The following MYOM2 variants were observed in gnomAD, a reference collection of about 807,000 sequenced individuals.
MYOM2 encodes myomesin 2.
Under a neutral mutation model 187.6 loss-of-function variants are expected in MYOM2, and 254 were observed. The ratio of observed to expected loss-of-function variants is 1.35; its 90% CI spans 1.22 to 1.50. The LOEUF (loss-of-function observed/expected upper bound fraction) is 1.50. Ranked by LOEUF, MYOM2 falls within the 40% of genes most tolerant of loss-of-function variation. The pLI, the probability that MYOM2 is intolerant of heterozygous loss-of-function variation, is 0.00. For missense variants in MYOM2, 2,796 were observed against 1,924.0 expected, an observed-to-expected ratio of 1.45 and a Z score of -8.48; for synonymous variants, 981 against 753.8, an observed-to-expected ratio of 1.30 and a Z score of -4.94.
intron 14 of MYOM2, 80 bp from the exon 15 acceptor site, chr8:2,089,927 CA>C: frequency 7.2e-7 from 1 of 1,388,516 alleles, no homozygotes; most frequent in South Asian, 1.3e-5. Context: ...ATAGCGAGAA[CA>C]GAGCATTTCT....
intron 18 of MYOM2, chr8:2,098,198 A>G (rs1384572218): frequency 1.3e-5 from 2 of 152,210 alleles, no homozygotes; most frequent in Non-Finnish European, 2.9e-5. Flanking sequence ...CTTACTTCGG[A>G]AGCTATTTTT....
At chr8:2,100,081 C>CT (rs149139233) in intron 19 of MYOM2, among the ~76,000 whole-genome samples, 12 of 75,122 alleles carry the variant, frequency 1.6e-4, no homozygotes, top group East Asian at 5.0e-4. Context: ...TCCTTCCTTT[C>CT]TTCTTTCCTT....
rs1272653871 is a variant in MYOM2 at position 2,078,878 on chromosome 8, C to T, written c.1407C>T (p.Ser469=). Reference sequence around the variant, plus strand: ...ACAGTGCGGGCATCAGCCGACCCTCCAGGGTCTCTGATGCGGTGGCTGCAC... The same window carrying T: ...ACAGTGCGGGCATCAGCCGACCCTCTAGGGTCTCTGATGCGGTGGCTGCAC... ...AVNSAGISRP[S]RVSDAVAALD... is the part of the protein sequence containing the mutation. Residue 469 remains serine, a synonymous_variant, in exon 12 of 37, where the codon TCC becomes TCT. Transcript: ENST00000262113. 6.8e-6 allele frequency: 11 copies of T among 1,614,056 alleles called. No homozygotes were observed. The highest frequency in any genetic ancestry group is 7.6e-6 in the Non-Finnish European group (9 of 1,179,922).
intron 19 of MYOM2, 108 bp downstream of exon 19, chr8:2,099,091 C>G: frequency 7.3e-7 from 1 of 1,376,162 alleles, no homozygotes; most frequent in Non-Finnish European, 9.7e-7. Context: ...GTGTCTGTTC[C>G]TCCGACACCC....
chr8:2,116,690 G>A (rs1273620034), intron 27 of MYOM2, among the ~76,000 whole-genome samples: 1 of 152,136 alleles, frequency 6.6e-6, no homozygotes, highest in Non-Finnish European at 1.5e-5. Context: ...ACAAATACAT[G>A]TTAACTAGAT....
At chr8:2,100,526 A>T (rs1796670327) in intron 19 of MYOM2, 1 of 257,800 alleles carries the variant, frequency 3.9e-6, no homozygotes, top group Admixed American at 4.7e-5. Flanking sequence ...AGTGACTGTG[A>T]CTGCCAGGTG....
chr8:2,133,770 T>C (rs1237459434), intron 32 of MYOM2, among the ~76,000 whole-genome samples: 2 of 152,168 alleles, frequency 1.3e-5, no homozygotes, highest in African/African-American at 4.8e-5. Flanking sequence ...CTGTCAGTCA[T>C]TGATCTCAGA....
chr8:2,119,373 CAG>C (rs1247173914), intron 28 of MYOM2: 2 of 152,392 alleles, frequency 1.3e-5, no homozygotes, highest in African/African-American at 4.8e-5. Context: ...CAGAAACCCT[CAG>C]AGAGTTCAGA....
intron 32 of MYOM2, among the ~76,000 whole-genome samples, chr8:2,139,256 T>C (rs77623815): frequency 0.017 from 2,577 of 152,182 alleles, 55 homozygotes; most frequent in East Asian, 0.045. Context: ...GTCCTCCTGC[T>C]TCAGCCTCCT....
chr8:2,085,061 G>T, intron 13 of MYOM2: 2 of 605,042 alleles, frequency 3.3e-6, no homozygotes, highest in Non-Finnish European at 5.8e-6. Flanking sequence ...TATCTGTATT[G>T]GAAGCAAAAC....
At chr8:2,045,634 C>G (rs1295960144) in intron 1 of MYOM2, among the ~76,000 whole-genome samples, 1 of 152,218 alleles carries the variant, frequency 6.6e-6, no homozygotes, top group Non-Finnish European at 1.5e-5. Context: ...TAGACCTAGC[C>G]TATATTATCC....
At position 2,072,452 on chromosome 8, in the gene MYOM2, A is replaced by G. The variant is rs1197926877; in HGVS notation, c.901A>G (p.Met301Val). 2 of 1,614,110 alleles carry G rather than the reference A, an allele frequency of 1.2e-6. No homozygotes were observed. The highest frequency in any genetic ancestry group is 1.7e-6 in the Non-Finnish European group (2 of 1,180,028). ...CGAGACGGTCACTCTCAAGTGCACC[A>G]TGCTGGTGACGCCGGACCTGAAGCG... is the stretch of plus-strand genomic sequence containing the variant. ...EGETVTLKCT[M>V]LVTPDLKRVQ... Residue 301 changes from methionine (M) to valine (V), a missense_variant, in exon 9 of 37, where the codon ATG (methionine) becomes GTG (valine). Transcript: ENST00000262113.
intron 1 of MYOM2, among the ~76,000 whole-genome samples, chr8:2,046,755 T>TC (rs1024878603): frequency 2.1e-5 from 3 of 144,758 alleles, no homozygotes; most frequent in East Asian, 2.0e-4. Context: ...TTTTTTCTTT[T>TC]TTTTTTTTTT....
At chr8:2,114,794 A>ATT (rs60026319) in intron 25 of MYOM2, among the ~76,000 whole-genome samples, 1 of 151,730 alleles carries the variant, frequency 6.6e-6, no homozygotes, top group Admixed American at 6.6e-5. Flanking sequence ...TTTTCTTTTT[A>ATT]TTTTTTTGAG....
intron 11 of MYOM2, 139 bp downstream of exon 11, chr8:2,076,421 T>C: frequency 3.6e-6 from 4 of 1,115,338 alleles, no homozygotes; most frequent in Non-Finnish European, 3.7e-6. Flanking sequence ...TAATTGGTTG[T>C]ATAAGTTCCT....
intron 6 of MYOM2, among the ~76,000 whole-genome samples, chr8:2,068,198 T>C (rs983815370): frequency 6.6e-6 from 1 of 150,828 alleles, no homozygotes; most frequent in Non-Finnish European, 1.5e-5. Flanking sequence ...GAGAGCATCC[T>C]GGGGACAGCT....
At chr8:2,114,555 T>A (rs12676475) in intron 25 of MYOM2, among the ~76,000 whole-genome samples, 114,948 of 152,042 alleles carry the variant, frequency 0.76, 43,534 homozygotes, top group Admixed American at 0.81. Flanking sequence ...GTTCACTGCA[T>A]CCTCTGCCTC....
At chr8:2,128,323 A>G (rs1200604468) in intron 31 of MYOM2, among the ~76,000 whole-genome samples, 3 of 152,068 alleles carry the variant, frequency 2.0e-5, no homozygotes, top group Middle Eastern at 3.4e-3. Flanking sequence ...ATGAAAAATT[A>G]CTATTTAAAA....
At chr8:2,054,123 C>T (rs78185792) in intron 3 of MYOM2, among the ~76,000 whole-genome samples, 65 of 152,304 alleles carry the variant, frequency 4.3e-4, no homozygotes, top group African/African-American at 1.6e-3. Context: ...TCATCACAAG[C>T]ATGTATTTAT....
Sources: gnomAD v4.1 joint callset for allele counts (sites outside exome capture counted in the v4.1 genomes callset) on GRCh38, gnomAD v4.1.1 for gene constraint, MANE v1.5 for transcripts, NCBI Gene and HGNC (gene_info 2026-07-23, HGNC 2026-07-21) for gene names.